PTPN14: variants seen among roughly 807,000 people sequenced by gnomAD.
PTPN14 encodes tyrosine-protein phosphatase non-receptor type 14.
In PTPN14, 53 loss-of-function variants were observed where a neutral mutation model predicts 126.8. The observed-to-expected ratio is 0.42, with a 90% CI of 0.34 to 0.53. PTPN14 has a LOEUF of 0.53. Among genes scored for constraint, PTPN14 ranks in the 20% least tolerant of loss-of-function variants. The pLI is 0.08. For missense variants in PTPN14, 1,257 were observed against 1,552.9 expected (o/e 0.81, Z 3.20); for synonymous variants, 630 against 599.3 (o/e 1.05, Z -0.75).
At chr1:214,374,773 C>T (rs966898736) in intron 15 of PTPN14, among the ~76,000 whole-genome samples, 3 of 152,184 alleles carry the variant, frequency 2.0e-5, no homozygotes, top group African/African-American at 4.8e-5. Context: ...GAATGCTCCT[C>T]GGTTAACAAT....
At chr1:214,536,327 G>C (rs1655703607) in intron 1 of PTPN14, among the ~76,000 whole-genome samples, 1 of 152,066 alleles carries the variant, frequency 6.6e-6, no homozygotes, top group Non-Finnish European at 1.5e-5. Flanking sequence ...AGGATTGCTT[G>C]AGCCCAGGAA....
At position 214,353,011 on chromosome 1, in the gene PTPN14, G is replaced by C. The variant is rs1400932523; in HGVS notation, c.*4911C>G. Reference sequence around the variant, plus strand: ...CAGAGTTATTTCTGACACTGAGTAAGAACACAGGTCTGACTCAATCCCATC... The same window carrying C: ...CAGAGTTATTTCTGACACTGAGTAACAACACAGGTCTGACTCAATCCCATC... On this transcript the variant is annotated 3_prime_UTR_variant, in exon 19 of 19. Coordinates refer to ENST00000366956, the MANE Select transcript of PTPN14 (RefSeq NM_005401.5). 6.6e-6 allele frequency: 1 copy of C among 152,080 alleles called. No homozygotes were observed. Among genetic ancestry groups the C allele is most frequent in the Non-Finnish European group, 1.5e-5 (1 of 68,018 alleles). 9.4% of individuals were successfully genotyped at this position (152,080 alleles called of 1,614,324 possible). A position where few individuals can be genotyped will look rare whatever the true frequency, so the allele number is the denominator to read the frequency against.
intron 5 of PTPN14, among the ~76,000 whole-genome samples, chr1:214,408,152 C>G (rs1558089460): frequency 6.6e-6 from 1 of 152,164 alleles, no homozygotes; most frequent in Non-Finnish European, 1.5e-5. Context: ...GCTTTTTATT[C>G]TGATTTTGCA....
chr1:214,520,065 A>AAAAAAAATATAT, intron 1 of PTPN14, among the ~76,000 whole-genome samples: 2 of 71,138 alleles, frequency 2.8e-5, no homozygotes, highest in East Asian at 4.8e-4. Context: ...AAAAAAAAAA[A>AAAAAAAATATAT]ATATATATAT....
intron 1 of PTPN14, among the ~76,000 whole-genome samples, chr1:214,522,314 A>G (rs1655280697): frequency 6.6e-6 from 1 of 152,218 alleles, no homozygotes; most frequent in South Asian, 2.1e-4. Context: ...GATCAAAAGT[A>G]GCTTCAATGG....
chr1:214,518,005 A>C lies in PTPN14; in HGVS notation c.-155+33178T>G, dbSNP rs995544104. 2.6e-5 allele frequency among the ~76,000 whole-genome samples: 4 copies of C among 152,176 alleles called. No individual in the cohort carries two copies. The East Asian group carries it at 7.7e-4, about 29-fold the overall frequency. On this transcript the variant is annotated intron_variant, in intron 1 of 18. Coordinates refer to ENST00000366956, the MANE Select transcript of PTPN14 (RefSeq NM_005401.5). The stretch of plus-strand genomic sequence containing the variant: ...AAAGACCTCTAAAGAAGGTACTTAA[A>C]ATATAAAAAACTTATAAAATCCTCC...
At chr1:214,506,622 G>A (rs748363883) in intron 1 of PTPN14, among the ~76,000 whole-genome samples, 4 of 152,064 alleles carry the variant, frequency 2.6e-5, no homozygotes, top group Admixed American at 6.5e-5. Context: ...TGTGACAAAC[G>A]GTAAAAGTGA....
At chr1:214,490,107 T>C (rs1226322082) in intron 1 of PTPN14, among the ~76,000 whole-genome samples, 1 of 152,228 alleles carries the variant, frequency 6.6e-6, no homozygotes, top group African/African-American at 2.4e-5. Context: ...TCCCAAGGCT[T>C]TGAGCAAGTA....
chr1:214,436,856 T>C (rs1432337169), intron 3 of PTPN14, among the ~76,000 whole-genome samples: 2 of 150,002 alleles, frequency 1.3e-5, no homozygotes, highest in Non-Finnish European at 2.9e-5. Context: ...GCTTTTCAAG[T>C]ACTCTTAACA....
chr1:214,358,152 C>T (rs1657869070), intron 18 of PTPN14, 102 bp from the exon 19 acceptor site: 1 of 1,420,150 alleles, frequency 7.0e-7, no homozygotes, highest in African/African-American at 1.4e-5. Context: ...TGCCCATGTC[C>T]AGGTACAAGA....
intron 1 of PTPN14, chr1:214,483,429 G>T: frequency 7.7e-7 from 1 of 1,302,794 alleles, no homozygotes; most frequent in Non-Finnish European, 1.1e-6. Flanking sequence ...TGGCCAGGGC[G>T]GGAGCGGGCG....
At chr1:214,422,966 T>C (rs534974295) in intron 3 of PTPN14, among the ~76,000 whole-genome samples, 1 of 152,302 alleles carries the variant, frequency 6.6e-6, no homozygotes, top group African/African-American at 2.4e-5. Context: ...TACTTAATTC[T>C]ATATCCCTCG....
intron 1 of PTPN14, chr1:214,529,721 T>G (rs1395460927): frequency 6.6e-6 from 1 of 152,150 alleles, no homozygotes; most frequent in African/African-American, 2.4e-5. Flanking sequence ...CCATCTCTAC[T>G]AAGAATATAA....
At chr1:214,410,534 G>A (rs1359880797) in intron 5 of PTPN14, among the ~76,000 whole-genome samples, 3 of 152,034 alleles carry the variant, frequency 2.0e-5, no homozygotes, top group African/African-American at 4.8e-5. Context: ...CTTGTGATCC[G>A]GCCGCCTAGG....
chr1:214,470,459 C>T (rs1177864980), intron 1 of PTPN14, among the ~76,000 whole-genome samples: 2 of 152,212 alleles, frequency 1.3e-5, no homozygotes. Flanking sequence ...AAAGCCCAGA[C>T]TTCACCATTA....
chr1:214,469,772 A>T (rs1660712610), intron 1 of PTPN14, among the ~76,000 whole-genome samples: 1 of 141,164 alleles, frequency 7.1e-6, no homozygotes, highest in South Asian at 2.5e-4. Flanking sequence ...AATAATTGTA[A>T]CCAAGGAACC....
In PTPN14 at chr1:214,439,591, A is replaced by G. The variant is rs1659993270; in HGVS notation, c.344+12214T>C. ...CTCCCCAGCTGCAAGCACAAGATTG[A>G]CGAGCTGACCTTGAGAGTTAGGAGG... On this transcript the variant is annotated intron_variant, in intron 3 of 18. Coordinates refer to ENST00000366956, the MANE Select transcript of PTPN14 (RefSeq NM_005401.5). Among the ~76,000 whole-genome samples, 3 of 152,314 alleles carry G rather than the reference A, an allele frequency of 2.0e-5. No individual in the cohort carries two copies. The South Asian group carries it at 6.2e-4, about 32-fold the overall frequency.
chr1:214,534,360 G>C (rs528008725), intron 1 of PTPN14, among the ~76,000 whole-genome samples: 1 of 152,204 alleles, frequency 6.6e-6, no homozygotes, highest in East Asian at 1.9e-4. Flanking sequence ...AGTTAAAATT[G>C]GGGAAAATCT....
chr1:214,397,889 AG>A, intron 8 of PTPN14, 23 bp downstream of exon 8: 1 of 1,553,706 alleles, frequency 6.4e-7, no homozygotes, highest in South Asian at 1.1e-5. Flanking sequence ...AAAAGAAAAA[AG>A]AAAAACAAAC....
Sources: allele counts gnomAD v4.1 joint callset (sites outside exome capture counted in the v4.1 genomes callset), GRCh38; gene constraint gnomAD v4.1.1; transcripts MANE v1.5; gene names NCBI Gene and HGNC (gene_info 2026-07-23, HGNC 2026-07-21).